ADGRL3: variants seen among roughly 807,000 people sequenced by gnomAD.
ADGRL3 encodes adhesion G protein-coupled receptor L3, also known as calcium-independent alpha-latrotoxin receptor 3.
Under a neutral mutation model 153.5 loss-of-function variants are expected in ADGRL3, and 62 were observed. That is an observed-to-expected ratio of 0.40 (90% CI 0.33 to 0.50). The LOEUF (loss-of-function observed/expected upper bound fraction) is 0.50, where lower values mean the gene tolerates loss of function less well. Among genes scored for constraint, ADGRL3 ranks in the 20% least tolerant of loss-of-function variants. The probability of loss-of-function intolerance (pLI) is 0.47; values close to 1 mark genes in which losing one functional copy is unlikely to be tolerated. For missense variants in ADGRL3, 1,641 were observed against 1,859.4 expected, an observed-to-expected ratio of 0.88 and a Z score of 2.16; for synonymous variants, 710 against 672.5, an observed-to-expected ratio of 1.06 and a Z score of -0.86.
intron 8 of ADGRL3, among the ~76,000 whole-genome samples, chr4:61,783,435 T>C (rs2097239340): frequency 6.6e-6 from 1 of 152,090 alleles, no homozygotes; most frequent in Non-Finnish European, 1.5e-5. Flanking sequence ...GTGAGTGGGC[T>C]TTGCCAAAAA....
intron 13 of ADGRL3, among the ~76,000 whole-genome samples, chr4:61,922,110 A>C (rs1437683094): frequency 2.0e-5 from 3 of 152,226 alleles, no homozygotes; most frequent in African/African-American, 7.2e-5. Flanking sequence ...CAAAAACAAC[A>C]GATAACAGCC....
chr4:61,353,538 G>T (rs1469092686), intron 1 of ADGRL3, among the ~76,000 whole-genome samples: 1 of 151,118 alleles, frequency 6.6e-6, no homozygotes, highest in African/African-American at 2.4e-5. Flanking sequence ...TGTTTTAATA[G>T]GTATCCCTTG....
At chr4:61,922,968 C>A (rs529525316) in intron 13 of ADGRL3, among the ~76,000 whole-genome samples, 1 of 152,172 alleles carries the variant, frequency 6.6e-6, no homozygotes, top group African/African-American at 2.4e-5. Context: ...TACTTCACTT[C>A]GTGCGGATCA....
intron 5 of ADGRL3, among the ~76,000 whole-genome samples, chr4:61,599,975 G>T (rs2099004278): frequency 6.6e-6 from 1 of 152,038 alleles, no homozygotes. Context: ...CCATTTATTG[G>T]CAAGATAAAA....
intron 5 of ADGRL3, among the ~76,000 whole-genome samples, chr4:61,589,936 T>C (rs530743494): frequency 6.6e-6 from 1 of 152,260 alleles, no homozygotes; most frequent in East Asian, 1.9e-4. Context: ...ATATATGGTC[T>C]AGAGAAGCCA....
At chr4:61,580,443 A>G (rs916988984) in intron 4 of ADGRL3, among the ~76,000 whole-genome samples, 72 of 152,132 alleles carry the variant, frequency 4.7e-4, no homozygotes, top group African/African-American at 1.6e-3. Context: ...TCTTTCATTT[A>G]TTTGGTAATT....
rs915179633 is a variant in ADGRL3 at position 61,200,724 on chromosome 4, G to T, written c.-1281G>T. On this transcript the variant is annotated 5_prime_UTR_variant, in exon 1 of 27. Transcript: ENST00000683033. ...CGTGTGTGCGCGTGTGTGAGTGTGC[G>T]TGTCTGGAGAGCGCCAGTGCCTCGC... 2.6e-5 allele frequency among the ~76,000 whole-genome samples: 4 copies of T among 152,094 alleles called. No individual in the cohort carries two copies. Among genetic ancestry groups the T allele is most frequent in the African/African-American group, 9.7e-5 (4 of 41,430 alleles).
rs576198117 is a variant in ADGRL3 at position 62,000,617 on chromosome 4, C to G, written c.3395+2352C>G. On this transcript the variant is annotated intron_variant, in intron 21 of 26. Transcript: ENST00000683033. The stretch of plus-strand genomic sequence containing the variant: ...GTATTTAATCTTTCTGTGGCTTCCT[C>G]TCTTTGAAATGGGTATAATAATGAC... Among the ~76,000 whole-genome samples the G allele has an allele frequency of 1.4e-4, 22 of 152,148 alleles. No homozygotes were observed. The South Asian group carries it at 3.3e-3, about 23-fold the overall frequency.
At chr4:61,371,787 G>T (rs2096533313) in intron 1 of ADGRL3, among the ~76,000 whole-genome samples, 1 of 152,078 alleles carries the variant, frequency 6.6e-6, no homozygotes, top group Non-Finnish European at 1.5e-5. Context: ...TGCCTTGCTA[G>T]ATTGGGGAAA....
chr4:61,850,674 C>G (rs2098191555), intron 9 of ADGRL3, among the ~76,000 whole-genome samples: 1 of 152,094 alleles, frequency 6.6e-6, no homozygotes, highest in Non-Finnish European at 1.5e-5. Flanking sequence ...GCATTGTAAA[C>G]TTAAAATTGA....
chr4:61,358,379 C>T (rs760176008), intron 1 of ADGRL3, among the ~76,000 whole-genome samples: 25 of 152,032 alleles, frequency 1.6e-4, no homozygotes, highest in Non-Finnish European at 2.9e-4. Context: ...GGGCGGATCA[C>T]GAGGTCAGGA....
intron 9 of ADGRL3, among the ~76,000 whole-genome samples, chr4:61,869,898 A>AT (rs1363328787): frequency 7.3e-6 from 1 of 137,284 alleles, no homozygotes; most frequent in African/African-American, 2.7e-5. Context: ...AGATCATGCC[A>AT]TTGCACTCCA....
At chr4:61,226,071 A>G (rs1412737690) in intron 1 of ADGRL3, among the ~76,000 whole-genome samples, 1 of 152,142 alleles carries the variant, frequency 6.6e-6, no homozygotes, top group Non-Finnish European at 1.5e-5. Context: ...AGAATTTATG[A>G]TGATTCATCT....
chr4:61,534,916 A>T (rs2098645795), intron 4 of ADGRL3, among the ~76,000 whole-genome samples: 1 of 152,114 alleles, frequency 6.6e-6, no homozygotes, highest in South Asian at 2.1e-4. Context: ...TCCAATTTGG[A>T]TGCCTGTTAT....
chr4:62,061,634 T>C (rs1357050136), intron 25 of ADGRL3, among the ~76,000 whole-genome samples: 1 of 152,042 alleles, frequency 6.6e-6, no homozygotes, highest in African/African-American at 2.4e-5. Flanking sequence ...CTTTCACCCC[T>C]GGCAACCACT....
At chr4:61,378,864 A>G (rs1468288459) in intron 1 of ADGRL3, among the ~76,000 whole-genome samples, 4 of 152,014 alleles carry the variant, frequency 2.6e-5, no homozygotes, top group Non-Finnish European at 4.4e-5. Flanking sequence ...TCTGAGAGGT[A>G]CTATTGAGGT....
At chr4:61,757,915 A>T (rs527476388) in intron 8 of ADGRL3, among the ~76,000 whole-genome samples, 1 of 152,126 alleles carries the variant, frequency 6.6e-6, no homozygotes, top group Admixed American at 6.5e-5. Context: ...CTCAGTTTCC[A>T]TGTAGCTGAG....
chr4:61,423,863 A>G (rs1269403720), intron 2 of ADGRL3, among the ~76,000 whole-genome samples: 1 of 152,202 alleles, frequency 6.6e-6, no homozygotes, highest in Non-Finnish European at 1.5e-5. Flanking sequence ...AAGCCATGGA[A>G]GGAGCACAGA....
At chr4:61,583,614 T>G (rs1181216177) in intron 4 of ADGRL3, 1 of 514,416 alleles carries the variant, frequency 1.9e-6, no homozygotes, top group Non-Finnish European at 3.9e-6. Context: ...TTGATATGAA[T>G]TTTGGAAACT....
Sources: gnomAD v4.1 joint callset for allele counts (sites outside exome capture counted in the v4.1 genomes callset) on GRCh38, gnomAD v4.1.1 for gene constraint, MANE v1.5 for transcripts, NCBI Gene and HGNC (gene_info 2026-07-23, HGNC 2026-07-21) for gene names.